The following EYS variants were observed in gnomAD, a reference collection of about 807,000 sequenced individuals.
EYS encodes the protein EGF-like photoreceptor maintenance factor.
Under a neutral mutation model 282.1 loss-of-function variants are expected in EYS, and 250 were observed. The ratio of observed to expected loss-of-function variants is 0.89; its 90% CI spans 0.80 to 0.98. The LOEUF (loss-of-function observed/expected upper bound fraction) is 0.98, where lower values mean the gene tolerates loss of function less well. Among genes scored for constraint, EYS ranks in the 50% least tolerant of loss-of-function variants. The pLI is 0.00. For missense variants in EYS, 4,016 were observed against 3,709.0 expected (o/e 1.08, Z -2.15); for synonymous variants, 1,355 against 1,282.9 (o/e 1.06, Z -1.20).
chr6:64,257,385 A>G (rs1431432053), intron 30 of EYS, among the ~76,000 whole-genome samples: 1 of 152,014 alleles, frequency 6.6e-6, no homozygotes, highest in East Asian at 1.9e-4. Context: ...TTAAGCCATC[A>G]CCCTTTTTAC....
chr6:64,296,697 C>T (rs1769040692), intron 30 of EYS, among the ~76,000 whole-genome samples: 1 of 149,160 alleles, frequency 6.7e-6, no homozygotes, highest in South Asian at 2.1e-4. Flanking sequence ...CCCTCTGCCT[C>T]TTGGGTTCAA....
chr6:64,371,118 T>C (rs1211793615), intron 29 of EYS, among the ~76,000 whole-genome samples: 1 of 152,144 alleles, frequency 6.6e-6, no homozygotes, highest in Non-Finnish European at 1.5e-5. Flanking sequence ...GGTTGTTTAT[T>C]TGAGATCTTC....
intron 13 of EYS, among the ~76,000 whole-genome samples, chr6:65,043,127 G>A (rs1278864274): frequency 2.6e-5 from 4 of 151,456 alleles, no homozygotes; most frequent in Non-Finnish European, 5.9e-5. Flanking sequence ...GGGGTACAAT[G>A]TGATGTTTTG....
chr6:65,153,739 ATC>A (rs1441413830), intron 12 of EYS, among the ~76,000 whole-genome samples: 1 of 151,748 alleles, frequency 6.6e-6, no homozygotes, highest in Non-Finnish European at 1.5e-5. Flanking sequence ...ATTGAAAAGC[ATC>A]TCTCTGGATT....
At chr6:65,497,546 G>A (rs966779220) in intron 2 of EYS, among the ~76,000 whole-genome samples, 2 of 151,910 alleles carry the variant, frequency 1.3e-5, no homozygotes, top group Non-Finnish European at 2.9e-5. Context: ...TACAATTAAA[G>A]ATAAGCACTC....
intron 1 of EYS, among the ~76,000 whole-genome samples, chr6:65,684,382 G>A (rs1055378539): frequency 1.3e-4 from 20 of 151,994 alleles, no homozygotes; most frequent in African/African-American, 4.8e-4. Flanking sequence ...TCAGATGGTG[G>A]GAGGGGGTCC....
intron 32 of EYS, among the ~76,000 whole-genome samples, chr6:64,073,698 T>C (rs144446731): frequency 5.8e-4 from 88 of 151,918 alleles, no homozygotes; most frequent in Middle Eastern, 3.4e-3. Flanking sequence ...CCATATGTCA[T>C]ATTAAATTTA....
intron 22 of EYS, among the ~76,000 whole-genome samples, chr6:64,657,821 C>T (rs1768810834): frequency 6.6e-6 from 1 of 150,970 alleles, no homozygotes; most frequent in Non-Finnish European, 1.5e-5. Flanking sequence ...GTGAATCTGA[C>T]AATTATGTGT....
At chr6:64,390,840 C>T (rs1773105147) in intron 28 of EYS, among the ~76,000 whole-genome samples, 1 of 141,218 alleles carries the variant, frequency 7.1e-6, no homozygotes. Context: ...TACGGGAGGA[C>T]ATTCAAACCA....
chr6:65,599,212 C>G (rs562616011), intron 2 of EYS, among the ~76,000 whole-genome samples: 2 of 151,992 alleles, frequency 1.3e-5, no homozygotes, highest in African/African-American at 4.8e-5. Context: ...ATAGTGATGG[C>G]CAACTGTAAT....
chr6:63,937,340 CTTTTCTTTTTTTTTTTTTTTTTT>C (rs1765090445), intron 35 of EYS, among the ~76,000 whole-genome samples: 23 of 46,084 alleles, frequency 5.0e-4, no homozygotes, highest in Admixed American at 1.1e-3. Context: ...AGGCTTCTCT[CTTTTCTTTTTTTTTTTTTTTTTT>C]TTTTTTTTTT....
At chr6:64,205,007 T>C (rs1357732783) in intron 31 of EYS, among the ~76,000 whole-genome samples, 1 of 152,060 alleles carries the variant, frequency 6.6e-6, no homozygotes, top group Admixed American at 6.6e-5. Flanking sequence ...TTCTGGTAAA[T>C]TGTTAACAAT....
intron 36 of EYS, among the ~76,000 whole-genome samples, chr6:63,817,832 G>C (rs1049662787): frequency 9.9e-5 from 15 of 152,172 alleles, no homozygotes; most frequent in African/African-American, 3.4e-4. Flanking sequence ...ATCTGGTGTG[G>C]TGATGCAAGT....
intron 28 of EYS, among the ~76,000 whole-genome samples, chr6:64,398,265 G>A (rs1238207148): frequency 6.6e-6 from 1 of 151,920 alleles, no homozygotes; most frequent in Middle Eastern, 3.4e-3. Flanking sequence ...GAAGGAGAGG[G>A]ATTAAATAGG....
chr6:64,029,508 T>C (rs533472010), intron 33 of EYS, among the ~76,000 whole-genome samples: 17 of 152,234 alleles, frequency 1.1e-4, no homozygotes, highest in South Asian at 2.1e-4. Flanking sequence ...GGGACCGGTG[T>C]TTCAAAAATG....
At chr6:65,254,228 A>G (rs1767402114) in intron 12 of EYS, among the ~76,000 whole-genome samples, 1 of 151,866 alleles carries the variant, frequency 6.6e-6, no homozygotes, top group Non-Finnish European at 1.5e-5. Context: ...TGATGTATAT[A>G]CAGACCAGTG....
intron 2 of EYS, among the ~76,000 whole-genome samples, chr6:65,594,314 G>A (rs1765331550): frequency 1.3e-5 from 2 of 151,944 alleles, no homozygotes; most frequent in Middle Eastern, 3.2e-3. Context: ...ATAAGCAGAT[G>A]AGCCTGAACA....
chr6:65,490,794 T>A, intron 4 of EYS, 87 bp from the exon 5 acceptor site: 1 of 748,134 alleles, frequency 1.3e-6, no homozygotes, highest in Non-Finnish European at 2.4e-6. Context: ...AATGAAAATA[T>A]CAAATTCTGA....
chr6:65,462,920 T>G (rs1279308075), intron 5 of EYS, among the ~76,000 whole-genome samples: 2 of 152,148 alleles, frequency 1.3e-5, no homozygotes, highest in African/African-American at 4.8e-5. Context: ...TAATCAAGCT[T>G]GTTCTCTTGA....
Sources: gnomAD v4.1 joint callset for allele counts (sites outside exome capture counted in the v4.1 genomes callset) on GRCh38, gnomAD v4.1.1 for gene constraint, MANE v1.5 for transcripts, NCBI Gene and HGNC (gene_info 2026-07-23, HGNC 2026-07-21) for gene names.